ELN: variants seen among roughly 807,000 people sequenced by gnomAD.
ELN encodes elastin, also known as tropoelastin.
In ELN, 65 loss-of-function variants were observed where a neutral mutation model predicts 105.8. That is an observed-to-expected ratio of 0.61 (90% CI 0.50 to 0.75). The LOEUF (loss-of-function observed/expected upper bound fraction) is 0.75. ELN is among the 30% of genes least tolerant of loss of function. The pLI is 0.00. For missense variants in ELN, 882 were observed against 969.4 expected (o/e 0.91, Z 1.20); for synonymous variants, 368 against 389.2 (o/e 0.95, Z 0.64).
At chr7:74,040,747 C>T (rs1222927425) in intron 4 of ELN, among the ~76,000 whole-genome samples, 2 of 152,110 alleles carry the variant, frequency 1.3e-5, no homozygotes, top group African/African-American at 2.4e-5. Context: ...TAGTAGGAGG[C>T]TCCTGGGCTG....
At chr7:74,049,656 TCATC>T (rs1391067905) in intron 15 of ELN, among the ~76,000 whole-genome samples, 11 of 143,842 alleles carry the variant, frequency 7.6e-5, no homozygotes, top group South Asian at 2.3e-4. Context: ...ATGCATCCAT[TCATC>T]CATCCATCCA....
At chr7:74,049,860 C>A (rs1261324623) in intron 15 of ELN, among the ~76,000 whole-genome samples, 1 of 151,118 alleles carries the variant, frequency 6.6e-6, no homozygotes. Context: ...ATCCACTCAT[C>A]CATCCATCCA....
intron 1 of ELN, among the ~76,000 whole-genome samples, chr7:74,032,407 T>C (rs769892246): frequency 3.3e-5 from 3 of 90,198 alleles, no homozygotes; most frequent in African/African-American, 9.4e-5. Context: ...TGCCAAGGAG[T>C]GGAGGGAGAA....
chr7:74,068,525 T>C, intron 32 of ELN, 132 bp from the exon 33 acceptor site: 1 of 1,064,876 alleles, frequency 9.4e-7, no homozygotes, highest in South Asian at 1.4e-5. Flanking sequence ...AGGTCTGAGT[T>C]TGGCCTGGGG....
intron 31 of ELN, 56 bp downstream of exon 31, chr7:74,066,053 G>T (rs1797875245): frequency 1.2e-6 from 2 of 1,610,006 alleles, no homozygotes; most frequent in African/African-American, 1.3e-5. Context: ...TCTAGAGGGG[G>T]CCTGTCCATC....
intron 22 of ELN, among the ~76,000 whole-genome samples, chr7:74,058,631 C>G (rs908960628): frequency 2.6e-5 from 4 of 152,206 alleles, no homozygotes; most frequent in Non-Finnish European, 5.9e-5. Context: ...CCTGGGATTA[C>G]AGGCGTGAGC....
chr7:74,047,767 G>A lies in ELN; in HGVS notation c.685+51G>A, dbSNP rs782632551. Reference sequence around the variant, plus strand: ...GGCTTCCAGCTCTTTCCCTCTCCAGGGTCCTAGCAAGGGTGCTGTGCTTCC... The same window carrying A: ...GGCTTCCAGCTCTTTCCCTCTCCAGAGTCCTAGCAAGGGTGCTGTGCTTCC... On this transcript the variant is annotated intron_variant, in intron 13 of 32. Coordinates refer to ENST00000252034, the MANE Select transcript of ELN (RefSeq NM_000501.4). The A allele has an allele frequency of 6.8e-6, 11 of 1,613,246 alleles. No individual in the cohort carries two copies. In the Admixed American group the frequency reaches 1.7e-4, roughly 24 times the overall value.
chr7:74,068,792 C>T lies in ELN; in HGVS notation c.*92C>T. ...CCCTTTGTAACCCCATCCCATGCCC[C>T]TCCGACTCCCCACCCCAGGAGGGAA... On this transcript the variant is annotated 3_prime_UTR_variant, in exon 33 of 33. Transcript: ENST00000252034. The T allele has an allele frequency of 1.3e-6, 2 of 1,491,942 alleles. No individual in the cohort carries two copies. The highest frequency in any genetic ancestry group is 1.1e-5 in the South Asian group (1 of 88,378). The allele number at this position is 1,491,942 out of a possible 1,614,324, so 92.4% of individuals were successfully genotyped here.
chr7:74,037,767 G>A (rs1554666561), intron 4 of ELN, 28 bp downstream of exon 4: 1 of 1,608,640 alleles, frequency 6.2e-7, no homozygotes, highest in Admixed American at 1.7e-5. Context: ...GGAGCATTGA[G>A]AGACAGCGAG....
rs2131649704 is a variant in ELN, at chr7:74,048,049, G to A, written c.686-93G>A. 3.3e-6 allele frequency: 5 copies of A among 1,512,204 alleles called. No individual in the cohort carries two copies. In the East Asian group the frequency reaches 1.1e-4, roughly 34 times the overall value. The allele number at this position is 1,512,204 out of a possible 1,614,324, so 93.7% of individuals were successfully genotyped here. On this transcript the variant is annotated intron_variant, in intron 13 of 32. Coordinates refer to ENST00000252034, the MANE Select transcript of ELN (RefSeq NM_000501.4). ...CTGGGGGTGACAGGTGCAGACTCAG[G>A]ACAGCTTGGGCCCCGAGGGCAGAGC...
intron 10 of ELN, 166 bp downstream of exon 10, chr7:74,045,459 C>T (rs1792246647): frequency 1.3e-6 from 1 of 744,434 alleles, no homozygotes; most frequent in Non-Finnish European, 2.3e-6. Flanking sequence ...CAGAGTGTGG[C>T]TGGGCACACT....
rs942073920 is a variant in ELN at position 74,060,031 on chromosome 7, C to T, written c.1560C>T (p.Gly520=). Residue 520 remains glycine, a synonymous_variant, in exon 23 of 33, where the codon GGC becomes GGT. Coordinates refer to ENST00000252034, the MANE Select transcript of ELN (RefSeq NM_000501.4). ...GCGTTGGCGTGGCTCCCGGCATTGGCCCTGGTGGAGTTGCAGGTGAGTTTC... is the reference window on the plus strand; with the variant it reads ...GCGTTGGCGTGGCTCCCGGCATTGGTCCTGGTGGAGTTGCAGGTGAGTTTC... ...APGVGVAPGI[G]PGGVAAAAKS... 6.2e-7 allele frequency: 1 copy of T among 1,613,896 alleles called. No individual in the cohort carries two copies. The highest frequency in any genetic ancestry group is 8.5e-7 in the Non-Finnish European group (1 of 1,179,986).
intron 29 of ELN, among the ~76,000 whole-genome samples, chr7:74,064,271 T>C (rs567113638): frequency 1.4e-3 from 219 of 151,306 alleles, no homozygotes; most frequent in African/African-American, 4.4e-3. Flanking sequence ...AAAAATTAGC[T>C]GGGCGTGGTG....
intron 8 of ELN, 59 bp from the exon 9 acceptor site, chr7:74,043,820 G>A: frequency 1.2e-6 from 2 of 1,604,334 alleles, no homozygotes; most frequent in Non-Finnish European, 1.7e-6. Flanking sequence ...GGGAAGGGCT[G>A]GGGAGGGGTC....
intron 22 of ELN, 80 bp downstream of exon 22, chr7:74,057,776 C>A: frequency 6.6e-7 from 1 of 1,510,078 alleles, no homozygotes; most frequent in South Asian, 1.1e-5. Flanking sequence ...GACCGCCCAG[C>A]TTCCTGTTCC....
chr7:74,059,366 G>A lies in ELN; in HGVS notation c.1415-520G>A, dbSNP rs142908191. ...GCCTCCATCAGCCTCAAATCTCCAA[G>A]GGGTCCTTGTCACTGAAAAGGTTAA... On this transcript the variant is annotated intron_variant, in intron 22 of 32. Transcript: ENST00000252034. Among the ~76,000 whole-genome samples the A allele has an allele frequency of 3.8e-3, 573 of 152,206 alleles. 3 individuals are homozygous for A. The highest frequency in any genetic ancestry group is 0.014 in the African/African-American group (568 of 41,536).
intron 1 of ELN, among the ~76,000 whole-genome samples, chr7:74,029,405 C>T (rs934828328): frequency 1.3e-5 from 2 of 151,942 alleles, no homozygotes; most frequent in South Asian, 2.1e-4. Flanking sequence ...GCTGCTATGC[C>T]GCGGCCAACG....
intron 13 of ELN, 146 bp from the exon 14 acceptor site, chr7:74,047,996 C>A: frequency 4.0e-6 from 4 of 1,006,092 alleles, no homozygotes; most frequent in Non-Finnish European, 6.2e-6. Flanking sequence ...CAACTCCATA[C>A]ATGTGTTTGT....
rs1798007131 is a variant in ELN at position 74,066,589 on chromosome 7, A to T, written c.2087-143A>T. The T allele has an allele frequency of 6.2e-6, 3 of 480,738 alleles. No homozygotes were observed. In the South Asian group the frequency reaches 1.3e-4, roughly 21 times the overall value. The allele number at this position is 480,738 out of a possible 1,614,324, so 29.8% of individuals were successfully genotyped here. A position where few individuals can be genotyped will look rare whatever the true frequency, so the allele number is the denominator to read the frequency against. On this transcript the variant is annotated intron_variant, in intron 31 of 32. Coordinates refer to ENST00000252034, the MANE Select transcript of ELN (RefSeq NM_000501.4). ...CTCAAAAAAATAATAATAAAATAAAATATAAAAAATTATATAGTGGGGGGG... is the reference window on the plus strand; with the variant it reads ...CTCAAAAAAATAATAATAAAATAAATTATAAAAAATTATATAGTGGGGGGG...
Sources: allele counts gnomAD v4.1 joint callset (sites outside exome capture counted in the v4.1 genomes callset), GRCh38; gene constraint gnomAD v4.1.1; transcripts MANE v1.5; gene names NCBI Gene and HGNC (gene_info 2026-07-23, HGNC 2026-07-21).